SPON1: variants seen among roughly 807,000 people sequenced by gnomAD.
SPON1 encodes spondin-1.
Under a neutral mutation model 111.7 loss-of-function variants are expected in SPON1, and 52 were observed. That is an observed-to-expected ratio of 0.47 (90% CI 0.37 to 0.59). SPON1 has a LOEUF of 0.59. SPON1 is among the 20% of genes least tolerant of loss of function. SPON1 has a pLI of 0.00. For synonymous variants in SPON1, 410 were observed against 395.8 expected (o/e 1.04, Z -0.43); for missense variants, 957 against 1,068.5 (o/e 0.90, Z 1.46).
intron 1 of SPON1, among the ~76,000 whole-genome samples, chr11:13,969,621 G>A (rs528599865): frequency 6.6e-5 from 10 of 152,268 alleles, no homozygotes; most frequent in African/African-American, 2.4e-4. Context: ...ATTTGAGTAT[G>A]GCAGAGTCCC....
chr11:14,057,380 A>C (rs376020694), intron 3 of SPON1, among the ~76,000 whole-genome samples: 16 of 152,256 alleles, frequency 1.1e-4, no homozygotes, highest in Non-Finnish European at 1.5e-5. Context: ...AAAGTCAAAG[A>C]CTGAGGAAGA....
chr11:14,041,547 T>C lies in SPON1; in HGVS notation c.372T>C (p.Phe124=). 6.2e-7 allele frequency: 1 copy of C among 1,613,968 alleles called. No individual in the cohort carries two copies. Among genetic ancestry groups the C allele is most frequent in the South Asian group, 1.1e-5 (1 of 91,070 alleles). ...FQIIDEEETQ[F]MSNCPVAVTE... Reference sequence around the variant, plus strand: ...TCATAGACGAAGAAGAAACTCAGTTTATGAGCAATTGCCCTGTTGCAGTCA... The same window carrying C: ...TCATAGACGAAGAAGAAACTCAGTTCATGAGCAATTGCCCTGTTGCAGTCA... The change falls in exon 3 of 16, where the codon TTT becomes TTC. Residue 124 remains phenylalanine (F), a synonymous_variant. Transcript: ENST00000576479.
At position 14,259,615 on chromosome 11, in the gene SPON1, A is replaced by ACCGCATGATCAAGATGAACC; in HGVS notation, c.1751_1770dup (p.Asp591Ter). The ACCGCATGATCAAGATGAACC allele has an allele frequency of 6.4e-7, 1 of 1,559,210 alleles. No homozygotes were observed. On this transcript the variant is annotated frameshift_variant, in exon 13 of 16. Transcript: ENST00000576479. LOFTEE classifies it high-confidence loss of function. The surrounding 1 kb of genome is among the most constrained non-coding windows in gnomAD (Gnocchi z 5.0). ...TGCGGCATGGGCATGAAGAAGCGGC[A>ACCGCATGATCAAGATGAACC]CCGCATGATCAAGATGAACCCCGCA...
At chr11:14,041,490 C>T (rs1848630826) in intron 2 of SPON1, 31 bp from the exon 3 acceptor site, 1 of 1,610,974 alleles carries the variant, frequency 6.2e-7, no homozygotes, top group African/African-American at 1.3e-5. Flanking sequence ...AATGATGTTG[C>T]ATGTATTTAT....
chr11:14,021,936 C>A (rs150622510), intron 2 of SPON1, among the ~76,000 whole-genome samples: 1,918 of 152,316 alleles, frequency 0.013, 16 homozygotes, highest in Non-Finnish European at 0.018. Context: ...GTAATTAACT[C>A]ACCCACATTT....
At chr11:14,127,465 G>A (rs1298414585) in intron 5 of SPON1, among the ~76,000 whole-genome samples, 1 of 152,066 alleles carries the variant, frequency 6.6e-6, no homozygotes, top group African/African-American at 2.4e-5. Context: ...ATGTCAAAGG[G>A]CCTTCTATTT....
intron 6 of SPON1, among the ~76,000 whole-genome samples, chr11:14,151,969 C>T (rs1315582115): frequency 2.0e-5 from 3 of 152,172 alleles, no homozygotes; most frequent in African/African-American, 7.2e-5. Flanking sequence ...GCCAGAATAC[C>T]TTTCCAACTC....
At chr11:14,010,375 GA>G (rs1554913579) in intron 2 of SPON1, among the ~76,000 whole-genome samples, 1 of 152,072 alleles carries the variant, frequency 6.6e-6, no homozygotes, top group South Asian at 2.1e-4. Context: ...TGGGAGCTCA[GA>G]AAGGAAGACC....
chr11:14,099,609 T>A (rs1849127972), intron 5 of SPON1, among the ~76,000 whole-genome samples: 1 of 152,254 alleles, frequency 6.6e-6, no homozygotes, highest in South Asian at 2.1e-4. Flanking sequence ...AGCAGATTAT[T>A]TCAAAATTTC....
At position 14,259,456 on chromosome 11, in the gene SPON1, T is replaced by TG. The variant is rs782000274; in HGVS notation, c.1663+11dup. On this transcript the variant is annotated splice_region_variant and intron_variant, in intron 12 of 15. Transcript: ENST00000576479. The surrounding 1 kb of genome is among the most constrained non-coding windows in gnomAD (Gnocchi z 5.0). Reference sequence around the variant, plus strand: ...CACGGTCAACGAGGAGTGCTGTGAGTGGGGGCCCCGGGCGGGCAGGCGGGC... The same window carrying TG: ...CACGGTCAACGAGGAGTGCTGTGAGTGGGGGGCCCCGGGCGGGCAGGCGGGC... 13 of 1,604,462 alleles carry TG rather than the reference T, an allele frequency of 8.1e-6. No homozygotes were observed. Among genetic ancestry groups the TG allele is most frequent in the East Asian group, 2.2e-5 (1 of 44,488 alleles).
At chr11:14,093,258 C>T (rs1383953076) in intron 5 of SPON1, among the ~76,000 whole-genome samples, 4 of 152,218 alleles carry the variant, frequency 2.6e-5, no homozygotes, top group African/African-American at 9.6e-5. Context: ...TTCACAGAAA[C>T]AAGGTGACTA....
intron 6 of SPON1, among the ~76,000 whole-genome samples, chr11:14,173,473 G>T (rs1352911602): frequency 1.3e-5 from 2 of 152,072 alleles, no homozygotes; most frequent in Admixed American, 1.3e-4. Context: ...TGGATCTTCT[G>T]AAGCCTTCTT....
intron 2 of SPON1, among the ~76,000 whole-genome samples, chr11:14,027,229 G>A (rs922245537): frequency 1.3e-5 from 2 of 152,214 alleles, no homozygotes; most frequent in Admixed American, 6.5e-5. Flanking sequence ...AATCTGGCTA[G>A]GAACAGTTTT....
chr11:14,067,934 A>G (rs1848845369), intron 3 of SPON1, among the ~76,000 whole-genome samples: 1 of 152,196 alleles, frequency 6.6e-6, no homozygotes, highest in African/African-American at 2.4e-5. Flanking sequence ...GTATCACACA[A>G]ACAATAGCTT....
At chr11:14,127,674 G>A (rs1056716582) in intron 5 of SPON1, among the ~76,000 whole-genome samples, 14 of 152,224 alleles carry the variant, frequency 9.2e-5, no homozygotes, top group Non-Finnish European at 1.3e-4. Context: ...CTTTTTGAGC[G>A]TTTAATGAGA....
At chr11:14,077,485 T>C (rs1848927048) in intron 4 of SPON1, among the ~76,000 whole-genome samples, 1 of 151,928 alleles carries the variant, frequency 6.6e-6, no homozygotes, top group Non-Finnish European at 1.5e-5. Context: ...CAGGCTGGAA[T>C]GCAGTGGCAC....
In SPON1 at chr11:14,057,015, A is replaced by G. The variant is rs573398631; in HGVS notation, c.479+15361A>G. 4.6e-5 allele frequency among the ~76,000 whole-genome samples: 7 copies of G among 152,294 alleles called. No individual in the cohort carries two copies. The East Asian group carries it at 1.3e-3, about 29-fold the overall frequency. ...AGCACTGGATTACAACCCATTAAATAAAATGGAAATAAACTAAATAATATA... is the reference window on the plus strand; with the variant it reads ...AGCACTGGATTACAACCCATTAAATGAAATGGAAATAAACTAAATAATATA... On this transcript the variant is annotated intron_variant, in intron 3 of 15. Coordinates refer to ENST00000576479, the MANE Select transcript of SPON1 (RefSeq NM_006108.4).
chr11:14,192,098 A>G (rs1848352334), intron 6 of SPON1, among the ~76,000 whole-genome samples: 1 of 152,182 alleles, frequency 6.6e-6, no homozygotes, highest in Non-Finnish European at 1.5e-5. Context: ...GGCATCCTGA[A>G]AACAGAATAA....
chr11:14,008,700 T>C (rs1848382566), intron 2 of SPON1, among the ~76,000 whole-genome samples: 1 of 152,216 alleles, frequency 6.6e-6, no homozygotes, highest in South Asian at 2.1e-4. Flanking sequence ...CTACTCAGGC[T>C]CTGGATACCA....
Sources: allele counts gnomAD v4.1 joint callset (sites outside exome capture counted in the v4.1 genomes callset), GRCh38; gene constraint gnomAD v4.1.1; non-coding constraint Gnocchi (gnomAD v3.1); transcripts MANE v1.5; gene names NCBI Gene and HGNC (gene_info 2026-07-23, HGNC 2026-07-21).